RGS9: variants seen among roughly 807,000 people sequenced by gnomAD.
RGS9 encodes regulator of G protein signaling 9, also known as regulator of G-protein signalling 9.
Under a neutral mutation model 102.0 loss-of-function variants are expected in RGS9, and 78 were observed. The ratio of observed to expected loss-of-function variants is 0.76; its 90% CI spans 0.64 to 0.92. The LOEUF (loss-of-function observed/expected upper bound fraction) is 0.92, where lower values mean the gene tolerates loss of function less well. Ranked by LOEUF, RGS9 falls within the 40% of genes least tolerant of loss-of-function variation. RGS9 has a pLI of 0.00. For synonymous variants in RGS9, 353 were observed against 318.6 expected (o/e 1.11, Z -1.15); for missense variants, 833 against 866.1 (o/e 0.96, Z 0.48).
intron 10 of RGS9, 106 bp from the exon 11 acceptor site, chr17:65,190,069 C>A: frequency 1.1e-6 from 1 of 901,642 alleles, no homozygotes; most frequent in Non-Finnish European, 1.9e-6. Context: ...GGGCATGGAA[C>A]GGGATGTGGC....
intron 17 of RGS9, among the ~76,000 whole-genome samples, chr17:65,218,148 G>T (rs539003062): frequency 1.3e-5 from 2 of 152,192 alleles, no homozygotes; most frequent in Non-Finnish European, 2.9e-5. Flanking sequence ...ATGTTCAAAG[G>T]TGGCATAGAG....
intron 1 of RGS9, among the ~76,000 whole-genome samples, chr17:65,143,793 CA>C (rs61423689): frequency 0.015 from 1,480 of 97,034 alleles, 7 homozygotes; most frequent in African/African-American, 0.026. Context: ...GACTCTGTCT[CA>C]AAAAAAAAAA....
rs1481619261 is a variant in RGS9, at chr17:65,176,710, A to G, written c.583-1022A>G. On this transcript the variant is annotated intron_variant, in intron 8 of 18. Transcript: ENST00000262406. ...ACTCATCCATCCATCTACTCACTCA[A>G]CCATCCATCCATCCATCCATCCATC... is the stretch of plus-strand genomic sequence containing the variant. Among the ~76,000 whole-genome samples, 6 of 147,254 alleles carry G rather than the reference A, an allele frequency of 4.1e-5. No homozygotes were observed. The East Asian group carries it at 1.2e-3, about 31-fold the overall frequency.
intron 13 of RGS9, among the ~76,000 whole-genome samples, chr17:65,199,586 C>T (rs1046635716): frequency 1.3e-5 from 2 of 150,058 alleles, no homozygotes; most frequent in South Asian, 4.2e-4. Flanking sequence ...TTCTGCCTCC[C>T]GGGTTCAAGT....
chr17:65,204,952 G>A (rs1379745736), intron 15 of RGS9, among the ~76,000 whole-genome samples: 1 of 152,140 alleles, frequency 6.6e-6, no homozygotes, highest in Non-Finnish European at 1.5e-5. Context: ...GCTGCAGAGT[G>A]ATGGCAATTC....
Position 65,225,235 on chromosome 17 carries a change from C to A in RGS9, c.1641C>A (p.Ala547=), listed in dbSNP as rs1042890933. ...AAGGGGAGTGCAGCGGGTCCATGGC[C>A]CCCCGTGGGCCCTCTGTCACCGAGA... The part of the protein sequence containing the change: ...EQKGECSGSM[A]PRGPSVTESS... The change falls in exon 18 of 19, where the codon GCC becomes GCA. Residue 547 remains alanine, a synonymous_variant. Transcript: ENST00000262406. The A allele has an allele frequency of 1.2e-6, 2 of 1,610,904 alleles. No individual in the cohort carries two copies. Among genetic ancestry groups the A allele is most frequent in the Non-Finnish European group, 8.5e-7 (1 of 1,179,974 alleles).
intron 9 of RGS9, among the ~76,000 whole-genome samples, chr17:65,187,227 C>T (rs4791224): frequency 0.06 from 9,079 of 152,256 alleles, 868 homozygotes; most frequent in East Asian, 0.36. Context: ...CTGCATCGGA[C>T]ATTGTGCTAG....
At position 65,225,300 on chromosome 17, in the gene RGS9, G is replaced by T. The variant is rs190284951; in HGVS notation, c.1706G>T (p.Arg569Leu). 3 of 1,609,072 alleles carry T rather than the reference G, an allele frequency of 1.9e-6. No homozygotes were observed. The East Asian group carries it at 6.7e-5, about 36-fold the overall frequency. Residue 569 changes from arginine to leucine, a missense_variant, in exon 18 of 19, where the codon CGG becomes CTG. Transcript: ENST00000262406. ...CTCGACACCTCCTGGCCTCGCAGCC[G>T]GCCCAGGGCCCCTCCTAAGGCCCGC... ...ASLDTSWPRS[R>L]PRAPPKARMA...
intron 1 of RGS9, among the ~76,000 whole-genome samples, chr17:65,141,109 G>A (rs909011981): frequency 7.2e-5 from 11 of 152,228 alleles, no homozygotes; most frequent in African/African-American, 2.2e-4. Flanking sequence ...CAATGCAGCT[G>A]TGGGTCGGGA....
Position 65,190,155 on chromosome 17 carries a change from A to G in RGS9, c.685-20A>G, listed in dbSNP as rs368433972. 1.1e-5 allele frequency: 17 copies of G among 1,605,314 alleles called. No individual in the cohort carries two copies. The highest frequency in any genetic ancestry group is 1.2e-5 in the Non-Finnish European group (14 of 1,172,116). ...GGTGGGAGGGGGTTGAATACCTTCT[A>G]ACAACTGTGTCTCTTCCAGATCATG... On this transcript the variant is annotated intron_variant, in intron 10 of 18. Coordinates refer to ENST00000262406, the MANE Select transcript of RGS9 (RefSeq NM_003835.4).
At chr17:65,200,526 G>C (rs1912791040) in intron 13 of RGS9, among the ~76,000 whole-genome samples, 1 of 152,178 alleles carries the variant, frequency 6.6e-6, no homozygotes, top group Non-Finnish European at 1.5e-5. Flanking sequence ...ACTTTTGTCA[G>C]ATCAGTTACA....
intron 12 of RGS9, among the ~76,000 whole-genome samples, chr17:65,195,980 T>G (rs1467415875): frequency 6.6e-6 from 1 of 152,232 alleles, no homozygotes; most frequent in African/African-American, 2.4e-5. Context: ...GACCCAGCAA[T>G]CTGTTTCAAT....
At chr17:65,212,569 T>A (rs1239183965) in intron 17 of RGS9, among the ~76,000 whole-genome samples, 1 of 152,118 alleles carries the variant, frequency 6.6e-6, no homozygotes. Flanking sequence ...GAGTGAAGCC[T>A]GCTGGGTGAG....
At chr17:65,142,933 T>C (rs994116409) in intron 1 of RGS9, among the ~76,000 whole-genome samples, 5 of 152,102 alleles carry the variant, frequency 3.3e-5, no homozygotes, top group African/African-American at 1.2e-4. Context: ...TAACAATTTC[T>C]TTTTTTAGAG....
At chr17:65,169,823 TC>T (rs573014170) in intron 8 of RGS9, among the ~76,000 whole-genome samples, 281 of 151,358 alleles carry the variant, frequency 1.9e-3, no homozygotes, top group African/African-American at 6.4e-3. Flanking sequence ...GACCACTGCC[TC>T]CCCCCCAGCC....
chr17:65,192,204 T>C (rs1375189014), intron 11 of RGS9, among the ~76,000 whole-genome samples: 1 of 152,218 alleles, frequency 6.6e-6, no homozygotes, highest in Admixed American at 6.5e-5. Flanking sequence ...TTTGTTTGTG[T>C]TGGGAACATT....
chr17:65,162,703 T>C (rs1199506540), intron 6 of RGS9, among the ~76,000 whole-genome samples: 2 of 151,784 alleles, frequency 1.3e-5, no homozygotes, highest in Admixed American at 1.3e-4. Flanking sequence ...TCTCCTGACC[T>C]TGTGATCTGC....
chr17:65,202,107 G>A (rs1245529432), intron 14 of RGS9, 27 bp downstream of exon 14: 1 of 1,551,276 alleles, frequency 6.4e-7, no homozygotes. Context: ...GTGCTGGAAA[G>A]CCTTCCCTTG....
At chr17:65,141,943 G>A (rs1477809392) in intron 1 of RGS9, among the ~76,000 whole-genome samples, 1 of 152,222 alleles carries the variant, frequency 6.6e-6, no homozygotes, top group Non-Finnish European at 1.5e-5. Flanking sequence ...GGCGTTGATG[G>A]AGAAGACTGG....
Sources: gnomAD v4.1 joint callset for allele counts (sites outside exome capture counted in the v4.1 genomes callset) on GRCh38, gnomAD v4.1.1 for gene constraint, MANE v1.5 for transcripts, NCBI Gene and HGNC (gene_info 2026-07-23, HGNC 2026-07-21) for gene names.